The following USH2A variants were observed in gnomAD, a reference collection of about 807,000 sequenced individuals.
USH2A encodes Usher syndrome 2A (autosomal recessive, mild).
Under a neutral mutation model 538.9 loss-of-function variants are expected in USH2A, and 443 were observed. The ratio of observed to expected loss-of-function variants is 0.82; its 90% CI spans 0.76 to 0.89. USH2A has a LOEUF of 0.89. Ranked by LOEUF, USH2A falls within the 40% of genes least tolerant of loss-of-function variation. USH2A has a pLI of 0.00. For missense variants in USH2A, 6,633 were observed against 6,324.8 expected, an observed-to-expected ratio of 1.05 and a Z score of -1.65; for synonymous variants, 2,413 against 2,273.5, an observed-to-expected ratio of 1.06 and a Z score of -1.75.
At chr1:216,284,414 C>T (rs1162457937) in intron 11 of USH2A, among the ~76,000 whole-genome samples, 12 of 152,216 alleles carry the variant, frequency 7.9e-5, no homozygotes, top group Non-Finnish European at 1.6e-4. Context: ...TTGCTGTCAC[C>T]ATGTGAAGAA....
intron 11 of USH2A, among the ~76,000 whole-genome samples, chr1:216,280,823 A>C (rs1427003461): frequency 2.0e-5 from 3 of 152,234 alleles, no homozygotes; most frequent in South Asian, 4.1e-4. Flanking sequence ...CGCACGACAC[A>C]GTCACTCAGG....
intron 64 of USH2A, among the ~76,000 whole-genome samples, chr1:215,663,735 GTAATAA>G: frequency 6.6e-6 from 1 of 152,198 alleles, no homozygotes; most frequent in Non-Finnish European, 1.5e-5. Flanking sequence ...AGGTGGATGG[GTAATAA>G]TAATAATCAT....
At chr1:216,282,842 C>T (rs949837885) in intron 11 of USH2A, among the ~76,000 whole-genome samples, 1 of 152,160 alleles carries the variant, frequency 6.6e-6, no homozygotes, top group African/African-American at 2.4e-5. Context: ...TCTTCTGATA[C>T]ATGAGCATTG....
intron 3 of USH2A, among the ~76,000 whole-genome samples, chr1:216,373,593 G>A (rs538295279): frequency 2.6e-5 from 4 of 152,184 alleles, no homozygotes; most frequent in African/African-American, 9.6e-5. Flanking sequence ...ATACCGCAAC[G>A]TGTATTTGCT....
chr1:215,912,505 ATATATACG>A (rs1665830881), intron 38 of USH2A, among the ~76,000 whole-genome samples: 2 of 23,444 alleles, frequency 8.5e-5, no homozygotes, highest in Non-Finnish European at 1.8e-4. Context: ...ATATATATAT[ATATATACG>A]TGTATATATA....
chr1:216,235,963 T>G (rs920236449), intron 13 of USH2A, among the ~76,000 whole-genome samples: 1 of 152,164 alleles, frequency 6.6e-6, no homozygotes, highest in Non-Finnish European at 1.5e-5. Context: ...TTTTCAATAT[T>G]GTTGTATTGT....
At chr1:216,212,284 C>A (rs529921266) in intron 15 of USH2A, among the ~76,000 whole-genome samples, 1 of 152,088 alleles carries the variant, frequency 6.6e-6, no homozygotes, top group Non-Finnish European at 1.5e-5. Flanking sequence ...ATAAATAGTA[C>A]CTCTTTGGTA....
intron 21 of USH2A, among the ~76,000 whole-genome samples, chr1:216,169,350 G>T (rs965073270): frequency 6.6e-6 from 1 of 152,016 alleles, no homozygotes; most frequent in Non-Finnish European, 1.5e-5. Flanking sequence ...AAAAAAGGGA[G>T]ACTTACAGGA....
intron 46 of USH2A, among the ~76,000 whole-genome samples, chr1:215,840,356 T>C (rs1000215802): frequency 2.6e-5 from 4 of 152,010 alleles, no homozygotes; most frequent in Admixed American, 2.6e-4. Flanking sequence ...TCACTGAAAT[T>C]TGATGTTCAA....
At chr1:216,148,846 C>T (rs547343138) in intron 21 of USH2A, among the ~76,000 whole-genome samples, 1 of 151,462 alleles carries the variant, frequency 6.6e-6, no homozygotes, top group Non-Finnish European at 1.5e-5. Context: ...AGCCTCTCTT[C>T]ACTTTCACTT....
At chr1:216,289,867 A>C (rs1401557004) in intron 10 of USH2A, among the ~76,000 whole-genome samples, 1 of 152,162 alleles carries the variant, frequency 6.6e-6, no homozygotes, top group Non-Finnish European at 1.5e-5. Flanking sequence ...ACTTCTCTTA[A>C]TATAATTTAT....
At chr1:216,112,574 A>G (rs909457121) in intron 21 of USH2A, among the ~76,000 whole-genome samples, 4 of 152,080 alleles carry the variant, frequency 2.6e-5, no homozygotes, top group Non-Finnish European at 5.9e-5. Context: ...ATTAAGCCTA[A>G]TACCCAATAA....
intron 3 of USH2A, among the ~76,000 whole-genome samples, chr1:216,413,816 G>A (rs574634216): frequency 1.2e-3 from 182 of 152,116 alleles, no homozygotes; most frequent in Non-Finnish European, 2.9e-4. Flanking sequence ...GCTTCAAATC[G>A]TAGTAATTGT....
At chr1:215,801,208 T>C (rs1662321388) in intron 49 of USH2A, among the ~76,000 whole-genome samples, 1 of 152,024 alleles carries the variant, frequency 6.6e-6, no homozygotes, top group Non-Finnish European at 1.5e-5. Flanking sequence ...CGGAAAACTT[T>C]TCCTCTAAAA....
chr1:216,373,723 G>GA lies in USH2A; in HGVS notation c.652-8639dup, dbSNP rs1168116340. Reference sequence around the variant, plus strand: ...CAATGACCCCAAAAAGTCTTTTATAGAAAAAACACCTCCAGCCCCAAATCA... The same window carrying GA: ...CAATGACCCCAAAAAGTCTTTTATAGAAAAAAACACCTCCAGCCCCAAATCA... On this transcript the variant is annotated intron_variant, in intron 3 of 71. Coordinates refer to ENST00000307340, the MANE Select transcript of USH2A (RefSeq NM_206933.4). Among the ~76,000 whole-genome samples the GA allele has an allele frequency of 2.0e-5, 3 of 151,892 alleles. No individual in the cohort carries two copies. In the East Asian group the frequency reaches 5.9e-4, roughly 30 times the overall value.
intron 61 of USH2A, among the ~76,000 whole-genome samples, chr1:215,710,939 G>T (rs1424169831): frequency 6.6e-6 from 1 of 151,486 alleles, no homozygotes; most frequent in African/African-American, 2.4e-5. Flanking sequence ...TCTTCTATCG[G>T]CTTCTAGATC....
At chr1:215,938,088 C>G (rs1666551888) in intron 37 of USH2A, among the ~76,000 whole-genome samples, 1 of 151,884 alleles carries the variant, frequency 6.6e-6, no homozygotes, top group South Asian at 2.1e-4. Context: ...AATGATTACT[C>G]AGTAATTATA....
chr1:216,320,585 A>C lies in USH2A; in HGVS notation c.1644+1298T>G, dbSNP rs527667476. On this transcript the variant is annotated intron_variant, in intron 9 of 71. Coordinates refer to ENST00000307340, the MANE Select transcript of USH2A (RefSeq NM_206933.4). ...TTGGCAATCCCATCAGTGATGTGTT[A>C]AAGGTTATATTCCCACAAGTACTAA... Among the ~76,000 whole-genome samples the C allele has an allele frequency of 3.3e-5, 5 of 152,302 alleles. No homozygotes were observed. In the East Asian group the frequency reaches 9.6e-4, roughly 29 times the overall value.
chr1:215,630,374 A>C (rs1033847050), intron 70 of USH2A: 4 of 423,164 alleles, frequency 9.5e-6, no homozygotes, highest in African/African-American at 6.1e-5. Flanking sequence ...TGATGTACAT[A>C]TATATCCTAG....
Sources: allele counts gnomAD v4.1 joint callset (sites outside exome capture counted in the v4.1 genomes callset), GRCh38; gene constraint gnomAD v4.1.1; transcripts MANE v1.5; gene names NCBI Gene and HGNC (gene_info 2026-07-23, HGNC 2026-07-21).